Variants in THEMIS2 observed in about 807,000 individuals in gnomAD.
THEMIS2 encodes protein THEMIS2.
THEMIS2 carries 29 observed loss-of-function variants against 46.8 expected under a neutral mutation model. That is an observed-to-expected ratio of 0.62 (90% CI 0.46 to 0.84). THEMIS2 has a LOEUF of 0.84. THEMIS2 is among the 40% of genes least tolerant of loss of function. The pLI is 0.00. For synonymous variants in THEMIS2, 335 were observed against 349.1 expected (o/e 0.96, Z 0.45); for missense variants, 698 against 834.7 (o/e 0.84, Z 2.02).
In THEMIS2 at chr1:27,872,651, G is replaced by T; in HGVS notation, c.80G>T (p.Gly27Val). The T allele has an allele frequency of 7.0e-7, 1 of 1,427,160 alleles. No individual in the cohort carries two copies. 88.4% of individuals were successfully genotyped at this position (1,427,160 alleles called of 1,614,324 possible). A position where few individuals can be genotyped will look rare whatever the true frequency, so the allele number is the denominator to read the frequency against. ...SLPRVLRVCS[G>V]VYFEGSIYEI... ...CCGCGCGTGCTGCGGGTCTGCTCGGGGGTCTACTTCGAGGGTGAGCGGGGG... is the reference window on the plus strand; with the variant it reads ...CCGCGCGTGCTGCGGGTCTGCTCGGTGGTCTACTTCGAGGGTGAGCGGGGG... Residue 27 changes from glycine to valine, a missense_variant, in exon 1 of 6, where the codon GGG (glycine) becomes GTG (valine). Physicochemically the swap from Gly to Val is moderately radical, Grantham distance 109. Coordinates refer to ENST00000373921, the MANE Select transcript of THEMIS2 (RefSeq NM_001105556.3). The surrounding 1 kb of genome is among the most constrained non-coding windows in gnomAD (Gnocchi z 4.9).
chr1:27,880,009 T>C lies in THEMIS2; in HGVS notation c.601T>C (p.Ser201Pro). ...CACCTGCCCCACCCTGCCCTGGCAT[T>C]CCCTGATCCTGCGGCCCCAGTATGA... is the stretch of plus-strand genomic sequence containing the variant. ...VLTCPTLPWH[S>P]LILRPQYEIQ... The change falls in exon 3 of 6, where the codon TCC becomes CCC. Residue 201 changes from serine to proline, a missense_variant. Ser to Pro is a moderately conservative substitution (Grantham distance 74, BLOSUM62 -1). Coordinates refer to ENST00000373921, the MANE Select transcript of THEMIS2 (RefSeq NM_001105556.3). The C allele has an allele frequency of 6.2e-7, 1 of 1,610,644 alleles. No individual in the cohort carries two copies. Among genetic ancestry groups the C allele is most frequent in the Non-Finnish European group, 8.5e-7 (1 of 1,177,320 alleles).
At chr1:27,881,879 G>A (rs1027041447) in intron 3 of THEMIS2, 92 bp from the exon 4 acceptor site, 2 of 1,006,056 alleles carry the variant, frequency 2.0e-6, no homozygotes, top group Admixed American at 5.0e-5. Context: ...GCAGCGGGAG[G>A]GAGGCCAGCC....
intron 1 of THEMIS2, among the ~76,000 whole-genome samples, chr1:27,874,072 G>A (rs1276697958): frequency 8.3e-6 from 1 of 120,392 alleles, no homozygotes; most frequent in Admixed American, 1.0e-4. Flanking sequence ...TGGCTCTGTT[G>A]CCCAGGCTGG....
chr1:27,875,986 G>A (rs540082902), intron 1 of THEMIS2, among the ~76,000 whole-genome samples: 7 of 152,180 alleles, frequency 4.6e-5, no homozygotes, highest in Admixed American at 6.5e-5. Context: ...ACAGGCGTGA[G>A]CCACCGCGCC....
chr1:27,876,827 C>T lies in THEMIS2; in HGVS notation c.235+99C>T, dbSNP rs1245278649. The T allele has an allele frequency of 2.7e-6, 4 of 1,466,256 alleles. No individual in the cohort carries two copies. The Admixed American group carries it at 6.3e-5, about 23-fold the overall frequency. 90.8% of individuals were successfully genotyped at this position (1,466,256 alleles called of 1,614,324 possible). On this transcript the variant is annotated intron_variant, in intron 2 of 5. Transcript: ENST00000373921. ...GCCACGTCCAGCAGTCACTCCCTCC[C>T]CTCGGGGTTTGCTCCCGAGGCCCTC... is the stretch of plus-strand genomic sequence containing the variant.
chr1:27,879,569 G>A, intron 2 of THEMIS2, 75 bp from the exon 3 acceptor site: 1 of 1,329,366 alleles, frequency 7.5e-7, no homozygotes, highest in Admixed American at 2.2e-5. Context: ...GCCAGACTGG[G>A]GTCTGGACCT....
In THEMIS2 at chr1:27,882,970, C is replaced by G. The variant is rs975200514; in HGVS notation, c.1646C>G (p.Ala549Gly). Residue 549 changes from alanine (A) to glycine (G), a missense_variant, in exon 4 of 6, where the codon GCC becomes GGC. Coordinates refer to ENST00000373921, the MANE Select transcript of THEMIS2 (RefSeq NM_001105556.3). The surrounding 1 kb of genome is among the most constrained non-coding windows in gnomAD (Gnocchi z 7.6). ...AAGTTACCAGCCTGTGAGATCCAAG[C>G]CCCCCCACCCAGGCCCCCTAAAAAT... ...LRKLPACEIQ[A>G]PPPRPPKNQG... 1.2e-6 allele frequency: 2 copies of G among 1,613,408 alleles called. No individual in the cohort carries two copies. The highest frequency in any genetic ancestry group is 1.3e-5 in the African/African-American group (1 of 74,722).
At chr1:27,881,943 A>C (rs375285321) in intron 3 of THEMIS2, 28 bp from the exon 4 acceptor site, 2 of 1,556,700 alleles carry the variant, frequency 1.3e-6, no homozygotes, top group African/African-American at 2.7e-5. Context: ...GGTGGCATGC[A>C]GTGCCACTGA....
intron 5 of THEMIS2, 149 bp from the exon 6 acceptor site, chr1:27,885,718 G>C (rs1171363433): frequency 1.2e-6 from 1 of 811,322 alleles, no homozygotes; most frequent in Non-Finnish European, 2.0e-6. Context: ...GCAAAGTGTT[G>C]AGACAGAACA....
Position 27,882,233 on chromosome 1 carries a change from C to A in THEMIS2, c.909C>A (p.Ala303=), listed in dbSNP as rs779019374. ...CCTCACCACCCTGGCGGGTCCTGGC[C>A]TCAAGCAAGGGCCGCAAGGTGCCCA... ...GLASPPWRVL[A]SSKGRKVPRH... Residue 303 remains alanine (A), a synonymous_variant, in exon 4 of 6, where the codon GCC becomes GCA. Coordinates refer to ENST00000373921, the MANE Select transcript of THEMIS2 (RefSeq NM_001105556.3). The surrounding 1 kb of genome is among the most constrained non-coding windows in gnomAD (Gnocchi z 7.6). 12 of 1,608,726 alleles carry A rather than the reference C, an allele frequency of 7.5e-6. No individual in the cohort carries two copies. In the South Asian group the frequency reaches 1.1e-4, roughly 15 times the overall value.
Position 27,882,111 on chromosome 1 carries a change from A to C in THEMIS2, c.787A>C (p.Met263Leu), listed in dbSNP as rs753070199. The C allele has an allele frequency of 1.9e-6, 3 of 1,614,040 alleles. No individual in the cohort carries two copies. In the African/African-American group the frequency reaches 4.0e-5, roughly 22 times the overall value. Residue 263 changes from methionine (M) to leucine (L), a missense_variant, in exon 4 of 6, where the codon ATG becomes CTG. Physicochemically the swap from Met to Leu is conservative, Grantham distance 15. Coordinates refer to ENST00000373921, the MANE Select transcript of THEMIS2 (RefSeq NM_001105556.3). This position sits in a 1 kb window ranked among gnomAD's most constrained non-coding sequence, Gnocchi z 7.6. ...CTGGGAAGGCCCTTTCCCCCTGTCC[A>C]TGGAGATCCTGGAGGTTCCTGAGGG... ...LAWEGPFPLSMEILEVPEGRP... is the reference protein window; with the variant it reads ...LAWEGPFPLSLEILEVPEGRP...
In THEMIS2 at chr1:27,879,895, C is replaced by G; in HGVS notation, c.487C>G (p.Gln163Glu). The change falls in exon 3 of 6, where the codon CAG (glutamine) becomes GAG (glutamate). Residue 163 changes from glutamine to glutamate, a missense_variant. Coordinates refer to ENST00000373921, the MANE Select transcript of THEMIS2 (RefSeq NM_001105556.3). ...GGTCATCCTGCACCTGCCCCTATCC[C>G]AGAAGGGGCCCTTCTGGACATGGGA... ...QQVILHLPLSQKGPFWTWEPS... is the reference protein window; with the variant it reads ...QQVILHLPLSEKGPFWTWEPS... The G allele has an allele frequency of 6.2e-7, 1 of 1,612,494 alleles. No individual in the cohort carries two copies. Among genetic ancestry groups the G allele is most frequent in the Non-Finnish European group, 8.5e-7 (1 of 1,179,220 alleles).
At chr1:27,877,475 G>A (rs36074736) in intron 2 of THEMIS2, among the ~76,000 whole-genome samples, 33,831 of 151,654 alleles carry the variant, frequency 0.22, 3,854 homozygotes, top group East Asian at 0.34. Context: ...ACAGGCGCCC[G>A]CCACCACACC....
intron 5 of THEMIS2, 101 bp from the exon 6 acceptor site, chr1:27,885,766 C>T: frequency 8.4e-7 from 1 of 1,196,976 alleles, no homozygotes; most frequent in Non-Finnish European, 1.2e-6. Context: ...CGTAGGGCAT[C>T]CAGGCCACCT....
At position 27,879,925 on chromosome 1, in the gene THEMIS2, A is replaced by C; in HGVS notation, c.517A>C (p.Ser173Arg). The C allele has an allele frequency of 6.2e-7, 1 of 1,611,078 alleles. No homozygotes were observed. The highest frequency in any genetic ancestry group is 8.5e-7 in the Non-Finnish European group (1 of 1,178,690). The change falls in exon 3 of 6, where the codon AGT becomes CGT. Residue 173 changes from serine (S) to arginine (R), a missense_variant. Coordinates refer to ENST00000373921, the MANE Select transcript of THEMIS2 (RefSeq NM_001105556.3). ...GGGGCCCTTCTGGACATGGGAGCCT[A>C]GTGCCCCTCGAACTCTGCTCCAGGT... ...QKGPFWTWEP[S>R]APRTLLQVLQ...
chr1:27,874,445 A>T (rs1383709979), intron 1 of THEMIS2, among the ~76,000 whole-genome samples: 3 of 150,654 alleles, frequency 2.0e-5, no homozygotes, highest in Non-Finnish European at 4.4e-5. Context: ...GTTCGAGATC[A>T]GCCCTGGCAA....
At chr1:27,876,818 A>C (rs1312449584) in intron 2 of THEMIS2, 90 bp downstream of exon 2, 3 of 1,492,712 alleles carry the variant, frequency 2.0e-6, no homozygotes, top group Admixed American at 2.0e-5. Flanking sequence ...TCCAGCAGTC[A>C]CTCCCTCCCC....
At position 27,879,653 on chromosome 1, in the gene THEMIS2, C is replaced by A. The variant is rs763974146; in HGVS notation, c.245C>A (p.Thr82Asn). The change falls in exon 3 of 6, where the codon ACC (threonine) becomes AAC (asparagine). Residue 82 changes from threonine to asparagine, a missense_variant. Transcript: ENST00000373921. ...ELAPNFQGYF[T>N]PLNTPQSYET... ...CTGCTGTCCCCCACAGGCTACTTCA[C>A]CCCCCTCAACACCCCACAGAGCTAT... 31 of 1,594,578 alleles carry A rather than the reference C, an allele frequency of 1.9e-5. No individual in the cohort carries two copies. The highest frequency in any genetic ancestry group is 2.6e-5 in the Non-Finnish European group (30 of 1,166,574).
Position 27,872,579 on chromosome 1 carries a change from C to A in THEMIS2, c.8C>A (p.Pro3Gln). 1 of 1,489,632 alleles carries A rather than the reference C, an allele frequency of 6.7e-7. No individual in the cohort carries two copies. The highest frequency in any genetic ancestry group is 8.9e-7 in the Non-Finnish European group (1 of 1,122,418). The allele number at this position is 1,489,632 out of a possible 1,614,324, so 92.3% of individuals were successfully genotyped here. A position where few individuals can be genotyped will look rare whatever the true frequency, so the allele number is the denominator to read the frequency against. Reference sequence around the variant, plus strand: ...CAGAGAGCCGCGGGGACCATGGAGCCGGTGCCGCTGCAGGACTTCGTGCGC... The same window carrying A: ...CAGAGAGCCGCGGGGACCATGGAGCAGGTGCCGCTGCAGGACTTCGTGCGC... ME[P>Q]VPLQDFVRAL... is the part of the protein sequence containing the mutation. The change falls in exon 1 of 6, where the codon CCG (proline) becomes CAG (glutamine). Residue 3 changes from proline to glutamine, a missense_variant. By Grantham distance (76) the Pro-to-Gln change is moderately conservative. Transcript: ENST00000373921. This position sits in a 1 kb window ranked among gnomAD's most constrained non-coding sequence, Gnocchi z 4.9.
Sources: gnomAD v4.1 joint callset for allele counts (sites outside exome capture counted in the v4.1 genomes callset) on GRCh38, gnomAD v4.1.1 for gene constraint, Gnocchi (gnomAD v3.1) non-coding constraint, MANE v1.5 for transcripts, NCBI Gene and HGNC (gene_info 2026-07-23, HGNC 2026-07-21) for gene names.